MSRA: variants seen among roughly 807,000 people sequenced by gnomAD.
MSRA encodes the protein mitochondrial peptide methionine sulfoxide reductase.
A neutral mutation model predicts 31.3 loss-of-function variants in MSRA; 54 were observed. That is an observed-to-expected ratio of 1.73 (90% CI 1.39 to 2.17). The LOEUF (loss-of-function observed/expected upper bound fraction) is 2.17. MSRA is among the 30% of genes most tolerant of loss of function. MSRA has a pLI of 0.00. For synonymous variants in MSRA, 169 were observed against 116.5 expected, an observed-to-expected ratio of 1.45 and a Z score of -2.90; for missense variants, 507 against 300.9, an observed-to-expected ratio of 1.69 and a Z score of -5.07.
Position 10,223,289 on chromosome 8 carries a change from T to C in MSRA, c.211+15388T>C, listed in dbSNP as rs59290735. On this transcript the variant is annotated intron_variant, in intron 2 of 5. Coordinates refer to ENST00000317173, the MANE Select transcript of MSRA (RefSeq NM_012331.5). ...TACAAAATGGGTCACTTCATGAGAG[T>C]TGAAGTTGAGAAGCACTTCAGATTG... 9.9e-3 allele frequency among the ~76,000 whole-genome samples: 1,510 copies of C among 152,184 alleles called. 29 individuals are homozygous for C. Among genetic ancestry groups the C allele is most frequent in the African/African-American group, 0.035 (1,449 of 41,514 alleles).
At chr8:10,114,220 T>C (rs1399875391) in intron 1 of MSRA, among the ~76,000 whole-genome samples, 2 of 152,216 alleles carry the variant, frequency 1.3e-5, no homozygotes, top group African/African-American at 4.8e-5. Context: ...CCATCATCAG[T>C]TGGTGGACAT....
intron 1 of MSRA, among the ~76,000 whole-genome samples, chr8:10,073,834 A>C (rs1470197142): frequency 6.6e-6 from 1 of 151,974 alleles, no homozygotes; most frequent in African/African-American, 2.4e-5. Context: ...CTTGACAGTT[A>C]CCCTGAACAA....
rs560058534 is a variant in MSRA, at chr8:10,181,123, G to A, written c.143-26710G>A. ...TACAGCTCCCAGTAAATACTTGTCCGCAGATGGGAGGAGGGGACAGAACAT... is the reference window on the plus strand; with the variant it reads ...TACAGCTCCCAGTAAATACTTGTCCACAGATGGGAGGAGGGGACAGAACAT... On this transcript the variant is annotated intron_variant, in intron 1 of 5. Transcript: ENST00000317173. Among the ~76,000 whole-genome samples, 14 of 152,280 alleles carry A rather than the reference G, an allele frequency of 9.2e-5. 1 individual carries two copies. Among genetic ancestry groups the A allele is most frequent in the African/African-American group, 2.2e-4 (9 of 41,568 alleles).
chr8:10,293,673 C>T (rs1262231828), intron 3 of MSRA, among the ~76,000 whole-genome samples: 2 of 152,218 alleles, frequency 1.3e-5, no homozygotes, highest in Non-Finnish European at 2.9e-5. Flanking sequence ...AGCTGTACTG[C>T]AGGTCTCCGT....
intron 5 of MSRA, among the ~76,000 whole-genome samples, chr8:10,418,514 A>G (rs1808614278): frequency 6.6e-6 from 1 of 151,862 alleles, no homozygotes; most frequent in Non-Finnish European, 1.5e-5. Context: ...GGTTGGATGG[A>G]CTCCAGAGGG....
chr8:10,224,590 G>C (rs1240527589), intron 2 of MSRA, among the ~76,000 whole-genome samples: 7 of 152,180 alleles, frequency 4.6e-5, no homozygotes, highest in African/African-American at 1.7e-4. Flanking sequence ...GGCTGGACCA[G>C]GTGGTAGTCT....
intron 1 of MSRA, among the ~76,000 whole-genome samples, chr8:10,204,618 G>T (rs957267499): frequency 6.6e-6 from 1 of 152,174 alleles, no homozygotes; most frequent in Non-Finnish European, 1.5e-5. Flanking sequence ...TACCATCTAG[G>T]TTTGTGTAAG....
intron 1 of MSRA, among the ~76,000 whole-genome samples, chr8:10,157,504 G>A (rs1804256459): frequency 6.6e-6 from 1 of 152,156 alleles, no homozygotes; most frequent in Admixed American, 6.6e-5. Context: ...GGAGGTGCAT[G>A]AGGAGGGCTT....
chr8:10,144,081 ACAACCCTATAGTATAGTGACCGGATTTAG>A (rs1802933837), intron 1 of MSRA, among the ~76,000 whole-genome samples: 1 of 152,148 alleles, frequency 6.6e-6, no homozygotes, highest in South Asian at 2.1e-4. Context: ...AGGGAAGTGA[ACAACCCTATAGTATAGTGACCGGATTTAG>A]CAGGGCCGGA....
intron 5 of MSRA, among the ~76,000 whole-genome samples, chr8:10,419,195 C>T (rs1191203746): frequency 6.6e-6 from 1 of 152,136 alleles, no homozygotes; most frequent in Admixed American, 6.5e-5. Context: ...TTGTATCATC[C>T]CTTGCACCTC....
chr8:10,220,126 C>T lies in MSRA; in HGVS notation c.211+12225C>T, dbSNP rs80253034. Among the ~76,000 whole-genome samples the T allele has an allele frequency of 5.1e-3, 778 of 152,242 alleles. 6 individuals carry two copies. Among genetic ancestry groups the T allele is most frequent in the African/African-American group, 0.018 (738 of 41,548 alleles). ...TTATGTACAGAGTCTTAAAAGCCCA[C>T]GATCATTGTATTATTCTATGTCCAT... is the stretch of plus-strand genomic sequence containing the variant. On this transcript the variant is annotated intron_variant, in intron 2 of 5. Transcript: ENST00000317173.
chr8:10,392,300 C>T (rs1806795071), intron 5 of MSRA, among the ~76,000 whole-genome samples: 2 of 152,346 alleles, frequency 1.3e-5, no homozygotes, highest in Admixed American at 6.5e-5. Context: ...GCAATGCTTA[C>T]ATGCTCTGAG....
At chr8:10,290,636 T>G (rs1330929647) in intron 3 of MSRA, among the ~76,000 whole-genome samples, 2 of 152,110 alleles carry the variant, frequency 1.3e-5, no homozygotes, top group Non-Finnish European at 2.9e-5. Flanking sequence ...CGTGAGAGTA[T>G]GTTTCAGAGT....
At chr8:10,210,679 C>T (rs1809396702) in intron 2 of MSRA, among the ~76,000 whole-genome samples, 1 of 151,974 alleles carries the variant, frequency 6.6e-6, no homozygotes, top group Admixed American at 6.6e-5. Flanking sequence ...TAGACCCGTT[C>T]TTCAGCCTTG....
At chr8:10,414,800 G>C (rs1414489453) in intron 5 of MSRA, among the ~76,000 whole-genome samples, 2 of 152,154 alleles carry the variant, frequency 1.3e-5, no homozygotes, top group Non-Finnish European at 2.9e-5. Context: ...TTTTCTTTGT[G>C]TACTAAATGC....
chr8:10,268,332 T>C (rs1472214091), intron 3 of MSRA, among the ~76,000 whole-genome samples: 1 of 152,220 alleles, frequency 6.6e-6, no homozygotes, highest in East Asian at 1.9e-4. Flanking sequence ...AGAAAGTATG[T>C]TGCTGAAAAA....
intron 1 of MSRA, among the ~76,000 whole-genome samples, chr8:10,183,656 T>G: frequency 6.6e-6 from 1 of 152,280 alleles, no homozygotes; most frequent in Middle Eastern, 3.4e-3. Context: ...CCCCACACTT[T>G]CTTTTTTCAA....
At chr8:10,418,261 A>G (rs1352115480) in intron 5 of MSRA, among the ~76,000 whole-genome samples, 3 of 152,148 alleles carry the variant, frequency 2.0e-5, no homozygotes, top group Non-Finnish European at 2.9e-5. Context: ...CAGTCTGATG[A>G]GGTTTGAACT....
chr8:10,346,995 G>C (rs899125879), intron 5 of MSRA, among the ~76,000 whole-genome samples: 1 of 152,148 alleles, frequency 6.6e-6, no homozygotes, highest in African/African-American at 2.4e-5. Flanking sequence ...GCTGTTACTT[G>C]TTCCCTGTCC....
Sources: gnomAD v4.1 joint callset for allele counts (sites outside exome capture counted in the v4.1 genomes callset) on GRCh38, gnomAD v4.1.1 for gene constraint, MANE v1.5 for transcripts, NCBI Gene and HGNC (gene_info 2026-07-23, HGNC 2026-07-21) for gene names.